Variants in USP40 observed in about 807,000 individuals in gnomAD.
The protein encoded by USP40 is ubiquitin specific peptidase 40.
USP40 carries 143 observed loss-of-function variants against 166.2 expected under a neutral mutation model. That is an observed-to-expected ratio of 0.86 (90% CI 0.75 to 0.99). The LOEUF is 0.99. Among genes scored for constraint, USP40 ranks in the 50% least tolerant of loss-of-function variants. The pLI is 0.00. For synonymous variants in USP40, 498 were observed against 524.0 expected (o/e 0.95, Z 0.68); for missense variants, 1,444 against 1,479.7 (o/e 0.98, Z 0.40).
At chr2:233,491,780 A>T (rs1182514142) in intron 25 of USP40, among the ~76,000 whole-genome samples, 1 of 152,212 alleles carries the variant, frequency 6.6e-6, no homozygotes. Flanking sequence ...ATTTATAAGG[A>T]AATCTTGACA....
At chr2:233,549,362 T>G (rs1160246658) in intron 7 of USP40, 133 bp from the exon 8 acceptor site, 4 of 630,830 alleles carry the variant, frequency 6.3e-6, no homozygotes, top group Non-Finnish European at 1.0e-5. Flanking sequence ...AAAGATGAAT[T>G]CAAGTAATTG....
chr2:233,557,478 C>T (rs532738852), intron 4 of USP40, among the ~76,000 whole-genome samples: 3 of 152,338 alleles, frequency 2.0e-5, no homozygotes, highest in Admixed American at 6.5e-5. Context: ...TAAAACAAGA[C>T]TAACACAGTG....
At chr2:233,482,582 GTTT>G (rs1203339243) in intron 30 of USP40, among the ~76,000 whole-genome samples, 1 of 137,016 alleles carries the variant, frequency 7.3e-6, no homozygotes, top group African/African-American at 2.8e-5. Context: ...TCCCACTGGA[GTTT>G]TTTTTTTTTG....
chr2:233,538,912 G>A (rs1009570746), intron 10 of USP40, among the ~76,000 whole-genome samples: 3 of 152,036 alleles, frequency 2.0e-5, no homozygotes, highest in Admixed American at 6.6e-5. Context: ...GCCTGTGGTC[G>A]CAACTACTCA....
chr2:233,524,654 G>T lies in USP40; in HGVS notation c.1811-92C>A. The T allele has an allele frequency of 5.3e-6, 5 of 949,144 alleles. No homozygotes were observed. In the South Asian group the frequency reaches 7.1e-5, roughly 13 times the overall value. The allele number at this position is 949,144 out of a possible 1,614,324, so 58.8% of individuals were successfully genotyped here. A position where few individuals can be genotyped will look rare whatever the true frequency, so the allele number is the denominator to read the frequency against. On this transcript the variant is annotated intron_variant, in intron 14 of 31. Transcript: ENST00000678225. ...CTGAGACAAATATTTGTTTGAAAAA[G>T]TATTTTCACTAAGGAAAATTTAAAA...
chr2:233,514,708 C>T (rs1394062577), intron 18 of USP40, among the ~76,000 whole-genome samples: 1 of 152,214 alleles, frequency 6.6e-6, no homozygotes, highest in Non-Finnish European at 1.5e-5. Flanking sequence ...AGACAAGTTT[C>T]ATGGGATGAC....
At position 233,490,159 on chromosome 2, in the gene USP40, C is replaced by G. The variant is rs145184703; in HGVS notation, c.3013-676G>C. Among the ~76,000 whole-genome samples, 1,146 of 145,914 alleles carry G rather than the reference C, an allele frequency of 7.9e-3. 23 individuals are homozygous for G. Among genetic ancestry groups the G allele is most frequent in the Admixed American group, 8.3e-3 (123 of 14,810 alleles). On this transcript the variant is annotated intron_variant, in intron 26 of 31. Coordinates refer to ENST00000678225, the MANE Select transcript of USP40 (RefSeq NM_001365479.2). ...TAAGGCTGTCTGCTTTTTCTTTTCT[C>G]CTTTTTTTTTTTTTTTTTTTTTGAG...
At chr2:233,509,344 A>G (rs1223607885) in intron 21 of USP40, among the ~76,000 whole-genome samples, 1 of 152,192 alleles carries the variant, frequency 6.6e-6, no homozygotes, top group Non-Finnish European at 1.5e-5. Flanking sequence ...TTACTTTATC[A>G]CATACACACA....
intron 10 of USP40, among the ~76,000 whole-genome samples, chr2:233,534,869 T>A (rs2068828568): frequency 6.6e-6 from 1 of 152,226 alleles, no homozygotes; most frequent in Admixed American, 6.5e-5. Flanking sequence ...CAGTGCAGTC[T>A]AGTCCCATTA....
At chr2:233,499,019 G>T (rs1402034906) in intron 22 of USP40, among the ~76,000 whole-genome samples, 1 of 152,124 alleles carries the variant, frequency 6.6e-6, no homozygotes, top group African/African-American at 2.4e-5. Context: ...AAGTTCTGGG[G>T]TACATGTGCA....
intron 15 of USP40, among the ~76,000 whole-genome samples, chr2:233,523,938 G>A (rs376853811): frequency 1.9e-4 from 29 of 152,136 alleles, no homozygotes; most frequent in Admixed American, 1.1e-3. Flanking sequence ...TTCACACGAC[G>A]AGGGCCTAAA....
intron 18 of USP40, among the ~76,000 whole-genome samples, chr2:233,516,860 T>C (rs2067234957): frequency 6.7e-6 from 1 of 149,580 alleles, no homozygotes; most frequent in East Asian, 1.9e-4. Context: ...CCGTCTCGAA[T>C]TGAAAAAAAA....
rs1161441950 is a variant in USP40, at chr2:233,510,094, C to T, written c.2568G>A (p.Gly856=). ...CTTCTACTACGATTTCCATTTCTGT[C>T]CCAGGTTGAACGTCACTCCCCATTG... The part of the protein sequence containing the change: ...FFAMGSDVQP[G]TEMEIVVEET... The change falls in exon 21 of 32, where the codon GGG becomes GGA. Residue 856 remains glycine, a synonymous_variant. Transcript: ENST00000678225. The T allele has an allele frequency of 2.5e-6, 4 of 1,604,298 alleles. No individual in the cohort carries two copies. The highest frequency in any genetic ancestry group is 2.6e-6 in the Non-Finnish European group (3 of 1,175,038).
At chr2:233,532,134 G>T (rs62192764) in intron 11 of USP40, among the ~76,000 whole-genome samples, 28,677 of 152,138 alleles carry the variant, frequency 0.19, 3,023 homozygotes, top group Admixed American at 0.28. Flanking sequence ...AATGGTTGCT[G>T]TTGGCAACAA....
rs755613648 is a variant in USP40 at position 233,477,436 on chromosome 2, C to T, written c.3667G>A (p.Ala1223Thr). ...TGGATGGAGAGAGAAGTTTCCGGGG[C>T]TCGGGGCCGGGCAGGCGTCTCTGCA... is the stretch of plus-strand genomic sequence containing the variant. The part of the protein sequence containing the change: ...SSAETPARPR[A>T]PETSLSIHVG... The change falls in exon 32 of 32, where the codon GCC becomes ACC. Residue 1223 changes from alanine (A) to threonine (T), a missense_variant. Coordinates refer to ENST00000678225, the MANE Select transcript of USP40 (RefSeq NM_001365479.2). The T allele has an allele frequency of 5.6e-6, 9 of 1,613,628 alleles. No homozygotes were observed. In the African/African-American group the frequency reaches 8.0e-5, roughly 14 times the overall value.
At chr2:233,539,697 T>TAA (rs560091138) in intron 10 of USP40, among the ~76,000 whole-genome samples, 5 of 147,724 alleles carry the variant, frequency 3.4e-5, no homozygotes, top group Non-Finnish European at 3.0e-5. Context: ...TTAGAAGGTT[T>TAA]AAAAAAAAAA....
At chr2:233,498,660 G>C in intron 22 of USP40, 48 bp from the exon 23 acceptor site, 1 of 1,493,998 alleles carries the variant, frequency 6.7e-7, no homozygotes, top group South Asian at 1.2e-5. Context: ...AGTTAGGTGA[G>C]ACGTTGCGTG....
In USP40 at chr2:233,485,585, A is replaced by G; in HGVS notation, c.3450T>C (p.Asp1150=). The change falls in exon 30 of 32, where the codon GAT becomes GAC. Residue 1150 remains aspartate, a synonymous_variant. Transcript: ENST00000678225. ...AGTAATACGGTGCCCCTTGCAAATA[A>G]TCTTGTTTTTTTTTCTTTTTCCTCT... ...ITKRKKKKKQ[D]YLQGAPYYLK... 6.2e-7 allele frequency: 1 copy of G among 1,613,918 alleles called. No homozygotes were observed. The highest frequency in any genetic ancestry group is 1.1e-5 in the South Asian group (1 of 91,054).
At chr2:233,564,497 G>A (rs906404804) in intron 2 of USP40, among the ~76,000 whole-genome samples, 1 of 151,872 alleles carries the variant, frequency 6.6e-6, no homozygotes, top group Non-Finnish European at 1.5e-5. Flanking sequence ...GAGAAACAGG[G>A]GCAAGAAATC....
Sources: gnomAD v4.1 joint callset for allele counts (sites outside exome capture counted in the v4.1 genomes callset) on GRCh38, gnomAD v4.1.1 for gene constraint, MANE v1.5 for transcripts, NCBI Gene and HGNC (gene_info 2026-07-23, HGNC 2026-07-21) for gene names.